Variants in BCAS3 observed in about 807,000 individuals in gnomAD.
The protein encoded by BCAS3 is BCAS3 microtubule associated cell migration factor, also known as BCAS4/BCAS3 fusion.
Under a neutral mutation model 116.1 loss-of-function variants are expected in BCAS3, and 53 were observed. The observed-to-expected ratio is 0.46, with a 90% CI of 0.37 to 0.57. BCAS3 has a LOEUF of 0.57. BCAS3 is among the 20% of genes least tolerant of loss of function. The pLI is 0.00. For synonymous variants in BCAS3, 391 were observed against 408.2 expected (o/e 0.96, Z 0.51); for missense variants, 917 against 1,165.4 (o/e 0.79, Z 3.10).
At chr17:61,127,982 G>A (rs939908313) in intron 22 of BCAS3, among the ~76,000 whole-genome samples, 12 of 152,112 alleles carry the variant, frequency 7.9e-5, no homozygotes, top group African/African-American at 2.7e-4. Flanking sequence ...TCCTCTGAAG[G>A]AAGACTGTAT....
Position 61,248,072 on chromosome 17 carries a change from T to A in BCAS3, c.2426-120255T>A, listed in dbSNP as rs1376623873. ...GGATGCTTTTCTGAATTTTTCCACA[T>A]CTCTTTGGTTTGGATGTTGACTTGG... On this transcript the variant is annotated intron_variant, in intron 22 of 23. Coordinates refer to ENST00000407086, the MANE Select transcript of BCAS3 (RefSeq NM_017679.5). The surrounding 1 kb of genome is among the most constrained non-coding windows in gnomAD (Gnocchi z 4.3). Among the ~76,000 whole-genome samples the A allele has an allele frequency of 6.6e-6, 1 of 152,194 alleles. No individual in the cohort carries two copies.
At chr17:60,861,856 T>A (rs981958375) in intron 7 of BCAS3, among the ~76,000 whole-genome samples, 3 of 152,230 alleles carry the variant, frequency 2.0e-5, no homozygotes, top group African/African-American at 7.2e-5. Flanking sequence ...TCATGGTGGA[T>A]TAGCTTTTCT....
chr17:61,086,674 C>T, intron 22 of BCAS3: 7 of 985,252 alleles, frequency 7.1e-6, no homozygotes, highest in Non-Finnish European at 8.4e-6. Context: ...TTCTTGGTGG[C>T]TAAGCTTTAT....
At chr17:60,957,507 G>C (rs981613704) in intron 14 of BCAS3, among the ~76,000 whole-genome samples, 1 of 152,022 alleles carries the variant, frequency 6.6e-6, no homozygotes, top group Non-Finnish European at 1.5e-5. Flanking sequence ...CAGTTTTTCT[G>C]CAAAAACGTC....
intron 22 of BCAS3, among the ~76,000 whole-genome samples, chr17:61,306,485 G>C (rs565982305): frequency 6.6e-6 from 1 of 152,114 alleles, no homozygotes; most frequent in Non-Finnish European, 1.5e-5. Flanking sequence ...TATAATTCAA[G>C]AAGCCTGGCT....
chr17:60,750,003 T>C (rs2042316344), intron 6 of BCAS3, among the ~76,000 whole-genome samples: 1 of 152,170 alleles, frequency 6.6e-6, no homozygotes, highest in East Asian at 1.9e-4. Flanking sequence ...TCGTCTCTAC[T>C]AAAAATACAA....
rs2056461763 is a variant in BCAS3, at chr17:61,333,508, G to A, written c.2426-34819G>A. The stretch of plus-strand genomic sequence containing the variant: ...GGCGCCCCCGACCCTTGCCAATCCC[G>A]TGCAAACCACGCAATGTCTGCCAGC... On this transcript the variant is annotated intron_variant, in intron 22 of 23. Coordinates refer to ENST00000407086, the MANE Select transcript of BCAS3 (RefSeq NM_017679.5). The surrounding 1 kb of genome is among the most constrained non-coding windows in gnomAD (Gnocchi z 4.8). Among the ~76,000 whole-genome samples, 1 of 152,046 alleles carries A rather than the reference G, an allele frequency of 6.6e-6. No homozygotes were observed. Among genetic ancestry groups the A allele is most frequent in the Admixed American group, 6.6e-5 (1 of 15,266 alleles).
Position 61,326,451 on chromosome 17 carries a change from G to C in BCAS3, c.2426-41876G>C, listed in dbSNP as rs928938318. ...GAAGCATGTTTTCAGCAGAGGGTGA[G>C]TTTTGAAAAGATCACTCTGACCTTA... On this transcript the variant is annotated intron_variant, in intron 22 of 23. Coordinates refer to ENST00000407086, the MANE Select transcript of BCAS3 (RefSeq NM_017679.5). This position sits in a 1 kb window ranked among gnomAD's most constrained non-coding sequence, Gnocchi z 5.3. Among the ~76,000 whole-genome samples, 1 of 152,224 alleles carries C rather than the reference G, an allele frequency of 6.6e-6. No homozygotes were observed. Among genetic ancestry groups the C allele is most frequent in the African/African-American group, 2.4e-5 (1 of 41,468 alleles).
chr17:61,315,622 C>T lies in BCAS3; in HGVS notation c.2426-52705C>T, dbSNP rs2054664229. ...GATGCTGGGGTGCCTCTTCCTGTCC[C>T]CAAGGACTCTACAGCCTCAGCCTCA... On this transcript the variant is annotated intron_variant, in intron 22 of 23. Transcript: ENST00000407086. The surrounding 1 kb of genome is among the most constrained non-coding windows in gnomAD (Gnocchi z 5.3). Among the ~76,000 whole-genome samples the T allele has an allele frequency of 6.6e-6, 1 of 152,170 alleles. No homozygotes were observed. Among genetic ancestry groups the T allele is most frequent in the Non-Finnish European group, 1.5e-5 (1 of 68,036 alleles).
intron 19 of BCAS3, among the ~76,000 whole-genome samples, chr17:61,042,647 A>G (rs898731334): frequency 2.0e-5 from 3 of 150,954 alleles, no homozygotes; most frequent in Non-Finnish European, 3.0e-5. Flanking sequence ...CAGCACTTTG[A>G]GAGGCTGAAG....
chr17:60,761,820 C>T (rs2043571526), intron 6 of BCAS3, among the ~76,000 whole-genome samples: 1 of 131,610 alleles, frequency 7.6e-6, no homozygotes, highest in Non-Finnish European at 1.5e-5. Context: ...ATGCTTCCAC[C>T]AACAGTGTAA....
chr17:61,045,976 ATTATATATATAT>A (rs2068162046), intron 19 of BCAS3, among the ~76,000 whole-genome samples: 1 of 9,824 alleles, frequency 1.0e-4, no homozygotes, highest in African/African-American at 1.4e-3. Flanking sequence ...ATATATATAT[ATTATATATATAT>A]TTATATATAT....
chr17:61,345,811 G>A (rs904500140), intron 22 of BCAS3, among the ~76,000 whole-genome samples: 1 of 152,116 alleles, frequency 6.6e-6, no homozygotes, highest in Non-Finnish European at 1.5e-5. Flanking sequence ...ATGATAGGGA[G>A]GACTCCAGGG....
At chr17:61,218,710 T>C (rs930706549) in intron 22 of BCAS3, among the ~76,000 whole-genome samples, 3 of 152,196 alleles carry the variant, frequency 2.0e-5, no homozygotes, top group African/African-American at 7.2e-5. Flanking sequence ...TTTCCTGTAT[T>C]GTCACATAAC....
In BCAS3 at chr17:60,843,367, C is replaced by G. The variant is rs575470167; in HGVS notation, c.477-25209C>G. 7.9e-5 allele frequency among the ~76,000 whole-genome samples: 12 copies of G among 152,012 alleles called. No homozygotes were observed. The East Asian group carries it at 2.1e-3, about 27-fold the overall frequency. On this transcript the variant is annotated intron_variant, in intron 7 of 23. Coordinates refer to ENST00000407086, the MANE Select transcript of BCAS3 (RefSeq NM_017679.5). ...GAGTAGCTGGGATTACAGGCACACA[C>G]CACCACGCCTGAGCTAATTTTGGCA...
chr17:61,058,017 T>G (rs1354984088), intron 19 of BCAS3, among the ~76,000 whole-genome samples: 1 of 152,106 alleles, frequency 6.6e-6, no homozygotes, highest in Non-Finnish European at 1.5e-5. Flanking sequence ...TAATATTATT[T>G]TTGTTTCTGG....
At chr17:60,872,362 C>A (rs1281616922) in intron 8 of BCAS3, among the ~76,000 whole-genome samples, 1 of 150,530 alleles carries the variant, frequency 6.6e-6, no homozygotes, top group Non-Finnish European at 1.5e-5. Flanking sequence ...CCATATATAT[C>A]TGAATGTATA....
rs55680322 is a variant in BCAS3 at position 60,933,290 on chromosome 17, A to G, written c.1087+8790A>G. ...TATTTATCAAACTATCGTTAGAAAC[A>G]TAAGGAAGAAATCCTCAATTCTGTG... On this transcript the variant is annotated intron_variant, in intron 13 of 23. Transcript: ENST00000407086. Among the ~76,000 whole-genome samples, 158 of 152,374 alleles carry G rather than the reference A, an allele frequency of 1.0e-3. 1 individual carries two copies. Among genetic ancestry groups the G allele is most frequent in the African/African-American group, 3.7e-3 (154 of 41,594 alleles).
chr17:61,334,446 C>T (rs2056541833), intron 22 of BCAS3, among the ~76,000 whole-genome samples: 1 of 152,144 alleles, frequency 6.6e-6, no homozygotes, highest in South Asian at 2.1e-4. Flanking sequence ...ACAGACGAAT[C>T]ACCTGAGTCA....
Sources: allele counts gnomAD v4.1 joint callset (sites outside exome capture counted in the v4.1 genomes callset), GRCh38; gene constraint gnomAD v4.1.1; non-coding constraint Gnocchi (gnomAD v3.1); transcripts MANE v1.5; gene names NCBI Gene and HGNC (gene_info 2026-07-23, HGNC 2026-07-21).